HMGA2: variants seen among roughly 807,000 people sequenced by gnomAD.
HMGA2 encodes the protein high mobility group AT-hook 2, also known as high mobility group protein HMGI-C.
HMGA2 carries 8 observed loss-of-function variants against 19.1 expected under a neutral mutation model. The ratio of observed to expected loss-of-function variants is 0.42; its 90% CI spans 0.25 to 0.76. HMGA2 has a LOEUF of 0.76. Among genes scored for constraint, HMGA2 ranks in the 30% least tolerant of loss-of-function variants. HMGA2 has a pLI of 0.28. For missense variants in HMGA2, 109 were observed against 136.3 expected, an observed-to-expected ratio of 0.80 and a Z score of 1.00; for synonymous variants, 60 against 48.8, an observed-to-expected ratio of 1.23 and a Z score of -0.96.
At chr12:65,862,383 A>G (rs1392263614) in intron 3 of HMGA2, among the ~76,000 whole-genome samples, 4 of 152,176 alleles carry the variant, frequency 2.6e-5, no homozygotes, top group Non-Finnish European at 5.9e-5. Context: ...CACCACTACT[A>G]CAGTTTGCTT....
At chr12:65,887,905 C>T (rs1163498041) in intron 3 of HMGA2, among the ~76,000 whole-genome samples, 1 of 150,392 alleles carries the variant, frequency 6.6e-6, no homozygotes, top group South Asian at 2.1e-4. Context: ...ATGACAACAA[C>T]ATTTGAGTTT....
intron 3 of HMGA2, among the ~76,000 whole-genome samples, chr12:65,884,471 C>T (rs1166993765): frequency 6.6e-6 from 1 of 152,160 alleles, no homozygotes; most frequent in Non-Finnish European, 1.5e-5. Context: ...TGTGCCTGGT[C>T]AATTGATAAT....
At chr12:65,877,938 A>G (rs945567640) in intron 3 of HMGA2, among the ~76,000 whole-genome samples, 9 of 152,222 alleles carry the variant, frequency 5.9e-5, no homozygotes, top group African/African-American at 2.2e-4. Context: ...TTTCTTTAAG[A>G]GCAGCCAAGC....
chr12:65,873,080 A>C (rs1872789802), intron 3 of HMGA2, among the ~76,000 whole-genome samples: 1 of 152,168 alleles, frequency 6.6e-6, no homozygotes, highest in African/African-American at 2.4e-5. Context: ...ACCTCTCTTG[A>C]AATTATTTCC....
chr12:65,927,050 G>T (rs1875530221), intron 3 of HMGA2, among the ~76,000 whole-genome samples: 1 of 152,186 alleles, frequency 6.6e-6, no homozygotes. Flanking sequence ...TGCAAAGCAA[G>T]GAGGAGTTGC....
At chr12:65,963,054 G>GA (rs1876797581) in intron 4 of HMGA2, among the ~76,000 whole-genome samples, 191 bp from the exon 5 acceptor site, 1 of 152,074 alleles carries the variant, frequency 6.6e-6, no homozygotes, top group South Asian at 2.1e-4. Context: ...ACCGCTCTGG[G>GA]AAAAAACAAC....
intron 3 of HMGA2, among the ~76,000 whole-genome samples, chr12:65,862,552 A>G (rs1717365502): frequency 6.6e-6 from 1 of 152,236 alleles, no homozygotes; most frequent in African/African-American, 2.4e-5. Context: ...TACAAAATGA[A>G]AGCCAGTTGT....
intron 3 of HMGA2, among the ~76,000 whole-genome samples, chr12:65,873,436 T>C (rs1284797721): frequency 6.6e-6 from 1 of 152,110 alleles, no homozygotes; most frequent in African/African-American, 2.4e-5. Context: ...TAGATGGCTA[T>C]AGATAGTCAT....
chr12:65,869,343 C>T (rs1410194498), intron 3 of HMGA2, among the ~76,000 whole-genome samples: 3 of 152,120 alleles, frequency 2.0e-5, no homozygotes, highest in Non-Finnish European at 2.9e-5. Flanking sequence ...TTTCAGGAAC[C>T]CTACCCAGCA....
intron 1 of HMGA2, 80 bp from the exon 2 acceptor site, chr12:65,827,906 TGAGCAGCACATGCAG>T (rs1168277372): frequency 2.3e-6 from 2 of 855,922 alleles, no homozygotes; most frequent in Non-Finnish European, 4.0e-6. Context: ...ACAGCTCTTT[TGAGCAGCACATGCAG>T]AAAATATAGC....
Position 65,964,717 on chromosome 12 carries a change from A to T in HMGA2, c.*1425A>T. 1 of 200,848 alleles carries T rather than the reference A, an allele frequency of 5.0e-6. No homozygotes were observed. The highest frequency in any genetic ancestry group is 1.0e-5 in the Non-Finnish European group (1 of 97,344). The allele number at this position is 200,848 out of a possible 1,614,324, so 12.4% of individuals were successfully genotyped here. On this transcript the variant is annotated 3_prime_UTR_variant, in exon 5 of 5. Transcript: ENST00000403681. Reference sequence around the variant, plus strand: ...AATCTCCTTACTGTGTTTCAGCATGACTATGTATTTTTCTATGTTTTTTTA... The same window carrying T: ...AATCTCCTTACTGTGTTTCAGCATGTCTATGTATTTTTCTATGTTTTTTTA...
At chr12:65,850,792 A>G (rs990781263) in intron 3 of HMGA2, among the ~76,000 whole-genome samples, 1 of 152,176 alleles carries the variant, frequency 6.6e-6, no homozygotes, top group South Asian at 2.1e-4. Context: ...GCAGTCTTGA[A>G]GTTATCTTTG....
At position 65,965,562 on chromosome 12, in the gene HMGA2, C is replaced by T. The variant is rs1480011186; in HGVS notation, c.*2270C>T. 2.4e-5 allele frequency: 5 copies of T among 212,128 alleles called. No homozygotes were observed. The highest frequency in any genetic ancestry group is 9.6e-6 in the Non-Finnish European group (1 of 104,552). 13.1% of individuals were successfully genotyped at this position (212,128 alleles called of 1,614,324 possible). ...CAGATCGCTCACTGTTGTGAATCAC[C>T]AAAGGAGCTATGGAGAGAATTAAAA... On this transcript the variant is annotated 3_prime_UTR_variant, in exon 5 of 5. Transcript: ENST00000403681.
intron 4 of HMGA2, among the ~76,000 whole-genome samples, chr12:65,962,115 G>A (rs1327454983): frequency 6.6e-6 from 1 of 152,184 alleles, no homozygotes; most frequent in Non-Finnish European, 1.5e-5. Context: ...TCGGTCTGCT[G>A]CAGGAGTAAA....
chr12:65,920,581 G>A (rs1450738384), intron 3 of HMGA2, among the ~76,000 whole-genome samples: 2 of 152,162 alleles, frequency 1.3e-5, no homozygotes, highest in East Asian at 1.9e-4. Flanking sequence ...ATGGGGGCCA[G>A]TCTTTCCCAT....
In HMGA2 at chr12:65,825,204, T is replaced by A; in HGVS notation, c.-67T>A. The stretch of plus-strand genomic sequence containing the variant: ...CCCTATCACCTCATCTCCCGAAAGG[T>A]GCTGGGCAGCTCCGGGGCGGTCGAG... On this transcript the variant is annotated 5_prime_UTR_variant, in exon 1 of 5. Transcript: ENST00000403681. The surrounding 1 kb of genome is among the most constrained non-coding windows in gnomAD (Gnocchi z 4.4). The A allele has an allele frequency of 2.2e-6, 3 of 1,383,004 alleles. No individual in the cohort carries two copies. 85.7% of individuals were successfully genotyped at this position (1,383,004 alleles called of 1,614,324 possible).
At chr12:65,877,364 C>G (rs1274544037) in intron 3 of HMGA2, among the ~76,000 whole-genome samples, 2 of 152,066 alleles carry the variant, frequency 1.3e-5, no homozygotes, top group Admixed American at 1.3e-4. Flanking sequence ...TGGAGCTGTT[C>G]CTTTTTGCTA....
At chr12:65,916,509 A>T (rs1047277438) in intron 3 of HMGA2, among the ~76,000 whole-genome samples, 5 of 152,196 alleles carry the variant, frequency 3.3e-5, no homozygotes, top group African/African-American at 7.2e-5. Context: ...ACAACTATTA[A>T]GTAAATAGAA....
chr12:65,894,867 T>C (rs1874059235), intron 3 of HMGA2, among the ~76,000 whole-genome samples: 1 of 152,120 alleles, frequency 6.6e-6, no homozygotes, highest in African/African-American at 2.4e-5. Flanking sequence ...GGAAGGGAAG[T>C]CTGGGAGAAG....
Sources: allele counts gnomAD v4.1 joint callset (sites outside exome capture counted in the v4.1 genomes callset), GRCh38; gene constraint gnomAD v4.1.1; non-coding constraint Gnocchi (gnomAD v3.1); transcripts MANE v1.5; gene names NCBI Gene and HGNC (gene_info 2026-07-23, HGNC 2026-07-21).